The following CSMD3 variants were observed in gnomAD, a reference collection of about 807,000 sequenced individuals.
The protein encoded by CSMD3 is CUB and sushi domain-containing protein 3.
A neutral mutation model predicts 435.2 loss-of-function variants in CSMD3; 177 were observed. That is an observed-to-expected ratio of 0.41 (90% confidence interval 0.36 to 0.46). The LOEUF (loss-of-function observed/expected upper bound fraction) is 0.46. CSMD3 is among the 20% of genes least tolerant of loss of function. CSMD3 has a pLI of 0.34. For missense variants in CSMD3, 4,265 were observed against 4,504.6 expected (o/e 0.95, Z 1.52); for synonymous variants, 1,656 against 1,520.5 (o/e 1.09, Z -2.07).
intron 3 of CSMD3, among the ~76,000 whole-genome samples, chr8:113,228,926 A>G (rs914811810): frequency 4.0e-5 from 6 of 151,610 alleles, no homozygotes; most frequent in African/African-American, 1.5e-4. Context: ...CCATCCATGC[A>G]AAAGTATAAG....
At chr8:112,530,423 T>A (rs1043545519) in intron 27 of CSMD3, among the ~76,000 whole-genome samples, 1 of 151,984 alleles carries the variant, frequency 6.6e-6, no homozygotes. Context: ...GAAGAACAAC[T>A]TGTCACATAT....
At chr8:112,663,977 T>C (rs1328885064) in intron 17 of CSMD3, among the ~76,000 whole-genome samples, 1 of 152,106 alleles carries the variant, frequency 6.6e-6, no homozygotes, top group African/African-American at 2.4e-5. Context: ...AGGTTTCCCT[T>C]GTATGTGGGA....
At chr8:112,857,869 C>T (rs1305411186) in intron 11 of CSMD3, among the ~76,000 whole-genome samples, 1 of 151,424 alleles carries the variant, frequency 6.6e-6, no homozygotes, top group South Asian at 2.1e-4. Flanking sequence ...ATAATTTGCA[C>T]AGAGAAATAA....
intron 38 of CSMD3, among the ~76,000 whole-genome samples, chr8:112,379,373 G>A (rs546895647): frequency 2.4e-4 from 37 of 152,152 alleles, no homozygotes; most frequent in Non-Finnish European, 4.7e-4. Context: ...GGAGGCTGAG[G>A]CAAAAGAATC....
At chr8:113,128,356 A>G (rs1175028457) in intron 4 of CSMD3, among the ~76,000 whole-genome samples, 1 of 151,996 alleles carries the variant, frequency 6.6e-6, no homozygotes, top group Admixed American at 6.6e-5. Context: ...CTTACCTATT[A>G]AAAATCCATA....
At position 112,255,324 on chromosome 8, in the gene CSMD3, T is replaced by C. The variant is rs1233661471; in HGVS notation, c.9966A>G (p.Ile3322Met). ...EVSFSCNFPF[I>M]LVGSSTRICQ... is the part of the protein sequence containing the mutation. ...ATATTCTGGTGCTTGATCCCACTAA[T>C]ATGAAAGGAAAATTGCAGCTGAATG... The change falls in exon 62 of 71, where the codon ATA (isoleucine) becomes ATG (methionine). Residue 3322 changes from isoleucine to methionine, a missense_variant. By Grantham distance (10) the Ile-to-Met change is conservative (BLOSUM62 1). Around this residue, in one of 3 missense-constraint regions of CSMD3, gnomAD observed 3,255 missense variants for 3,380.2 expected, o/e 0.96. Transcript: ENST00000297405. 4.3e-6 allele frequency: 7 copies of C among 1,613,660 alleles called. No individual in the cohort carries two copies. The highest frequency in any genetic ancestry group is 5.9e-6 in the Non-Finnish European group (7 of 1,179,742).
intron 22 of CSMD3, among the ~76,000 whole-genome samples, chr8:112,636,472 TTCTA>T (rs932047758): frequency 2.0e-4 from 24 of 118,810 alleles, no homozygotes; most frequent in South Asian, 1.1e-3. Flanking sequence ...ATGATTCTAT[TTCTA>T]TCTGTCTATC....
chr8:113,273,657 A>G (rs915029821), intron 3 of CSMD3, among the ~76,000 whole-genome samples: 21 of 152,180 alleles, frequency 1.4e-4, no homozygotes, highest in African/African-American at 4.8e-4. Context: ...CTTGGAGTGT[A>G]TCCCTCACAG....
At position 113,335,537 on chromosome 8, in the gene CSMD3, C is replaced by CTTTTTTT. The variant is rs1222360431; in HGVS notation, c.179-20751_179-20745dup. On this transcript the variant is annotated intron_variant, in intron 1 of 70. Transcript: ENST00000297405. ...TCTGGATTTAGCTCTCCTCCTCCTT[C>CTTTTTTT]TTTTTTTTTTTTTTTTTTTTTTTTT... 1.7e-4 allele frequency among the ~76,000 whole-genome samples: 5 copies of CTTTTTTT among 29,704 alleles called. 1 individual carries two copies. Among genetic ancestry groups the CTTTTTTT allele is most frequent in the Non-Finnish European group, 2.8e-4 (5 of 18,080 alleles). The allele number at this position is 29,704 out of a possible 152,430, so 19.5% of individuals were successfully genotyped here. A position where few individuals can be genotyped will look rare whatever the true frequency, so the allele number is the denominator to read the frequency against.
intron 22 of CSMD3, among the ~76,000 whole-genome samples, chr8:112,606,206 G>C (rs1049412213): frequency 1.3e-5 from 2 of 152,164 alleles, no homozygotes; most frequent in African/African-American, 4.8e-5. Flanking sequence ...GGGTGGCACA[G>C]GTTGATGCCA....
intron 32 of CSMD3, among the ~76,000 whole-genome samples, chr8:112,434,520 T>A (rs1182476059): frequency 1.3e-5 from 2 of 152,162 alleles, no homozygotes; most frequent in African/African-American, 4.8e-5. Flanking sequence ...CTATGCCACA[T>A]AATACCATCT....
intron 16 of CSMD3, among the ~76,000 whole-genome samples, chr8:112,677,428 A>C (rs2075792941): frequency 6.6e-6 from 1 of 150,716 alleles, no homozygotes; most frequent in Non-Finnish European, 1.5e-5. Flanking sequence ...CTCAAAAAAA[A>C]AAATCAAAGT....
intron 3 of CSMD3, among the ~76,000 whole-genome samples, chr8:113,264,399 T>G (rs1169741990): frequency 1.5e-5 from 2 of 134,980 alleles, no homozygotes; most frequent in Non-Finnish European, 3.1e-5. Context: ...TTCAACTATA[T>G]TTATATATAT....
At chr8:113,069,573 T>C (rs1488174577) in intron 5 of CSMD3, among the ~76,000 whole-genome samples, 1 of 152,138 alleles carries the variant, frequency 6.6e-6, no homozygotes, top group Non-Finnish European at 1.5e-5. Flanking sequence ...TAGATATTTA[T>C]TGATCTTACA....
intron 1 of CSMD3, among the ~76,000 whole-genome samples, chr8:113,333,534 CA>C (rs1420379201): frequency 6.6e-6 from 1 of 151,796 alleles, no homozygotes; most frequent in East Asian, 1.9e-4. Context: ...AAAAAATCTA[CA>C]TTTCCGTAAA....
At chr8:113,231,056 T>C (rs1019101000) in intron 3 of CSMD3, among the ~76,000 whole-genome samples, 6 of 151,384 alleles carry the variant, frequency 4.0e-5, no homozygotes, top group Non-Finnish European at 8.9e-5. Context: ...CTTGCATGCA[T>C]ATATGTTCAG....
chr8:113,210,051 A>C (rs1426861502), intron 3 of CSMD3, among the ~76,000 whole-genome samples: 1 of 134,594 alleles, frequency 7.4e-6, no homozygotes, highest in Non-Finnish European at 1.7e-5. Flanking sequence ...TGTGTGATAC[A>C]CAGTGTTTTC....
chr8:112,814,156 T>C (rs2079306683), intron 12 of CSMD3, among the ~76,000 whole-genome samples: 1 of 152,158 alleles, frequency 6.6e-6, no homozygotes, highest in Non-Finnish European at 1.5e-5. Flanking sequence ...ACTTGGATCC[T>C]GGCAAAACAG....
Position 112,224,924 on chromosome 8 carries a change from T to A in CSMD3, c.10971A>T (p.Ala3657=), listed in dbSNP as rs1019657186. The part of the protein sequence containing the change: ...FGFYLYKQRT[A]PKTQYTGCSV... The stretch of plus-strand genomic sequence containing the variant: ...AACATCCTGTATACTGTGTTTTAGG[T>A]GCAGTCCTGTTGATGAGAACATTGA... The change falls in exon 71 of 71, where the codon GCA becomes GCT. Residue 3657 remains alanine, a synonymous_variant. Coordinates refer to ENST00000297405, the MANE Select transcript of CSMD3 (RefSeq NM_198123.2). The A allele has an allele frequency of 6.2e-7, 1 of 1,613,862 alleles. No individual in the cohort carries two copies. The highest frequency in any genetic ancestry group is 1.3e-5 in the African/African-American group (1 of 74,928).
Sources: gnomAD v4.1 joint callset for allele counts (sites outside exome capture counted in the v4.1 genomes callset) on GRCh38, gnomAD v4.1.1 for gene constraint, gnomAD v4.1.1 regional missense constraint, MANE v1.5 for transcripts, NCBI Gene and HGNC (gene_info 2026-07-23, HGNC 2026-07-21) for gene names.